The following KRABD5 variants were observed in gnomAD, a reference collection of about 807,000 sequenced individuals.
KRABD5 encodes KRAB domain-containing protein 5.
At chr16:31,747,060 T>C in the KRABD5 span, among the ~76,000 whole-genome samples, 1 of 152,022 alleles carries the variant, frequency 6.6e-6, no homozygotes, top group Non-Finnish European at 1.5e-5. Context: ...TACACATGTA[T>C]ACATGTGCCA....
the KRABD5 span, among the ~76,000 whole-genome samples, chr16:31,732,366 A>T: frequency 6.6e-6 from 1 of 152,232 alleles, no homozygotes; most frequent in Non-Finnish European, 1.5e-5. Context: ...TGAAATATAT[A>T]TCAAATTTGT....
chr16:31,745,518 C>T, the KRABD5 span, among the ~76,000 whole-genome samples: 1 of 152,074 alleles, frequency 6.6e-6, no homozygotes, highest in Non-Finnish European at 1.5e-5. Flanking sequence ...TTTGTATTTG[C>T]TGAAGAGTGT....
At chr16:31,747,752 A>G in the KRABD5 span, among the ~76,000 whole-genome samples, 135 of 152,252 alleles carry the variant, frequency 8.9e-4, no homozygotes, top group African/African-American at 3.2e-3. Flanking sequence ...GATGATGCGC[A>G]TTTCTTCGTG....
At chr16:31,722,720 T>C in the KRABD5 span, 1 of 1,610,950 alleles carries the variant, frequency 6.2e-7, no homozygotes, top group Non-Finnish European at 8.5e-7. Context: ...GGGGATGTGA[T>C]GTTAGAGAAC....
At chr16:31,715,329 C>CT in the KRABD5 span, among the ~76,000 whole-genome samples, 1 of 152,150 alleles carries the variant, frequency 6.6e-6, no homozygotes, top group Non-Finnish European at 1.5e-5. Context: ...AAACAGGGAG[C>CT]ATCATCTAAG....
At chr16:31,735,621 T>A in the KRABD5 span, among the ~76,000 whole-genome samples, 1 of 152,152 alleles carries the variant, frequency 6.6e-6, no homozygotes, top group South Asian at 2.1e-4. Flanking sequence ...TTAACTGGAG[T>A]GTGGTGGTAT....
the KRABD5 span, among the ~76,000 whole-genome samples, chr16:31,731,416 T>C: frequency 1.3e-5 from 2 of 152,168 alleles, no homozygotes; most frequent in Non-Finnish European, 2.9e-5. Context: ...GGAATTGTAG[T>C]TGTTTCTGCA....
the KRABD5 span, among the ~76,000 whole-genome samples, chr16:31,750,373 T>G: frequency 4.6e-5 from 7 of 152,172 alleles, no homozygotes; most frequent in Non-Finnish European, 1.5e-5. Flanking sequence ...TGCTACTGAG[T>G]TTTGTACTTT....
At chr16:31,757,995 T>C in the KRABD5 span, 2 of 152,176 alleles carry the variant, frequency 1.3e-5, no homozygotes, top group African/African-American at 4.8e-5. Flanking sequence ...GATTCAGAGA[T>C]AGATAATGTT....
the KRABD5 span, among the ~76,000 whole-genome samples, chr16:31,732,110 A>T: frequency 6.6e-6 from 1 of 152,192 alleles, no homozygotes; most frequent in Admixed American, 6.5e-5. Flanking sequence ...CAGATATAGC[A>T]ATTTTTTTGT....
the KRABD5 span, among the ~76,000 whole-genome samples, chr16:31,717,310 C>A: frequency 2.0e-5 from 3 of 152,010 alleles, no homozygotes; most frequent in Non-Finnish European, 4.4e-5. Flanking sequence ...GTTTTTGATT[C>A]GGGACATTCT....
the KRABD5 span, chr16:31,754,476 C>T: frequency 4.6e-6 from 3 of 646,558 alleles, no homozygotes; most frequent in Non-Finnish European, 8.5e-6. Context: ...TACAATAAAT[C>T]TGATACAACA....
the KRABD5 span, chr16:31,714,244 T>C: frequency 2.5e-6 from 1 of 401,988 alleles, no homozygotes; most frequent in South Asian, 1.8e-5. Flanking sequence ...ATGACATGTT[T>C]CTTGCTCGAA....
chr16:31,736,200 G>A, the KRABD5 span, among the ~76,000 whole-genome samples: 1 of 152,136 alleles, frequency 6.6e-6, no homozygotes, highest in Non-Finnish European at 1.5e-5. Context: ...TTGAAAATCA[G>A]TCAGCTTTAG....
the KRABD5 span, among the ~76,000 whole-genome samples, chr16:31,724,953 A>G: frequency 2.0e-5 from 3 of 152,078 alleles, no homozygotes; most frequent in Non-Finnish European, 2.9e-5. Context: ...GTATTTCTCT[A>G]TCTTATTCAA....
chr16:31,734,962 T>G, the KRABD5 span, among the ~76,000 whole-genome samples: 1 of 152,092 alleles, frequency 6.6e-6, no homozygotes, highest in African/African-American at 2.4e-5. Context: ...TTGGCCAGAC[T>G]GGTCTTGAAC....
At chr16:31,720,851 T>C in the KRABD5 span, among the ~76,000 whole-genome samples, 3 of 152,216 alleles carry the variant, frequency 2.0e-5, no homozygotes, top group Non-Finnish European at 4.4e-5. Flanking sequence ...TCCCTTTGCT[T>C]GTGGGTTGCT....
the KRABD5 span, among the ~76,000 whole-genome samples, chr16:31,727,910 A>G: frequency 6.6e-6 from 1 of 152,122 alleles, no homozygotes; most frequent in Non-Finnish European, 1.5e-5. Flanking sequence ...TGTCCAAACC[A>G]AAGTGCAGTG....
the KRABD5 span, among the ~76,000 whole-genome samples, chr16:31,734,129 A>T: frequency 1.3e-5 from 2 of 152,072 alleles, no homozygotes; most frequent in Non-Finnish European, 2.9e-5. Context: ...GTACAATTAT[A>T]TATATGTGTG....
Sources: gnomAD v4.1 joint callset for allele counts (sites outside exome capture counted in the v4.1 genomes callset) on GRCh38, gnomAD v4.1.1 for gene constraint, MANE v1.5 for transcripts, NCBI Gene and HGNC (gene_info 2026-07-23, HGNC 2026-07-21) for gene names.